CDK14: variants seen among roughly 807,000 people sequenced by gnomAD.
CDK14 encodes cyclin dependent kinase 14.
A neutral mutation model predicts 60.7 loss-of-function variants in CDK14; 34 were observed. That is an observed-to-expected ratio of 0.56 (90% CI 0.43 to 0.75). The LOEUF (loss-of-function observed/expected upper bound fraction) is 0.75. Among genes scored for constraint, CDK14 ranks in the 30% least tolerant of loss-of-function variants. CDK14 has a pLI of 0.00. For missense variants in CDK14, 482 were observed against 564.1 expected (o/e 0.85, Z 1.47); for synonymous variants, 197 against 203.7 (o/e 0.97, Z 0.28).
At chr7:91,116,863 A>G (rs997127846) in intron 13 of CDK14, among the ~76,000 whole-genome samples, 28 of 151,308 alleles carry the variant, frequency 1.9e-4, no homozygotes, top group Non-Finnish European at 4.1e-4. Flanking sequence ...TCCTTTGCTG[A>G]TTTCTCCTCA....
chr7:90,797,455 A>T (rs946488229), intron 5 of CDK14, among the ~76,000 whole-genome samples: 1 of 151,970 alleles, frequency 6.6e-6, no homozygotes, highest in Admixed American at 6.6e-5. Flanking sequence ...ATACAGTCCT[A>T]TTCTAAGGTA....
At chr7:91,006,107 G>T (rs563150565) in intron 10 of CDK14, among the ~76,000 whole-genome samples, 3 of 152,248 alleles carry the variant, frequency 2.0e-5, no homozygotes, top group South Asian at 4.1e-4. Context: ...GCAGCGCCTG[G>T]ACTGCAGGGC....
chr7:90,758,386 C>T (rs1336213386), intron 4 of CDK14, among the ~76,000 whole-genome samples: 4 of 152,076 alleles, frequency 2.6e-5, no homozygotes, highest in African/African-American at 7.2e-5. Flanking sequence ...TATGTTCTCT[C>T]TTCTAAATTC....
chr7:91,134,674 G>A (rs1800216587), intron 14 of CDK14, among the ~76,000 whole-genome samples: 1 of 152,088 alleles, frequency 6.6e-6, no homozygotes, highest in Non-Finnish European at 1.5e-5. Context: ...AGGAGTTTGA[G>A]ACCAGAGTAG....
intron 5 of CDK14, among the ~76,000 whole-genome samples, chr7:90,804,924 A>G (rs1788765379): frequency 1.3e-5 from 2 of 152,082 alleles, no homozygotes; most frequent in South Asian, 4.1e-4. Flanking sequence ...CTACTTTGCC[A>G]ATCTTTAAAA....
chr7:91,117,724 G>A (rs948825128), intron 13 of CDK14, among the ~76,000 whole-genome samples: 4 of 152,142 alleles, frequency 2.6e-5, no homozygotes, highest in African/African-American at 7.2e-5. Context: ...GAAATTCCCA[G>A]AACAGTGTGA....
chr7:91,093,932 C>G (rs901210837), intron 12 of CDK14, among the ~76,000 whole-genome samples: 1 of 152,050 alleles, frequency 6.6e-6, no homozygotes, highest in East Asian at 1.9e-4. Context: ...GAACAGAAAA[C>G]CAAATATTGA....
intron 8 of CDK14, among the ~76,000 whole-genome samples, chr7:90,944,120 C>A (rs116550071): frequency 6.6e-6 from 1 of 152,150 alleles, no homozygotes; most frequent in African/African-American, 2.4e-5. Context: ...CATGATGACA[C>A]AATACCAAAG....
chr7:90,844,780 C>T (rs188884424), intron 5 of CDK14, among the ~76,000 whole-genome samples: 47 of 152,258 alleles, frequency 3.1e-4, no homozygotes, highest in African/African-American at 8.9e-4. Flanking sequence ...CTGCAAATCA[C>T]AGATAGCCTT....
chr7:90,955,419 T>C (rs187205696), intron 8 of CDK14, among the ~76,000 whole-genome samples: 91 of 152,318 alleles, frequency 6.0e-4, no homozygotes, highest in Non-Finnish European at 1.0e-3. Context: ...TCCTGTGTTA[T>C]GATAGTTTGT....
intron 2 of CDK14, among the ~76,000 whole-genome samples, chr7:90,667,959 T>A (rs1179333839): frequency 1.3e-5 from 2 of 152,346 alleles, no homozygotes; most frequent in East Asian, 3.9e-4. Flanking sequence ...TTGGGTTGTT[T>A]CCACTTTTTG....
intron 11 of CDK14, among the ~76,000 whole-genome samples, chr7:91,061,771 A>G (rs1797799943): frequency 6.6e-6 from 1 of 152,332 alleles, no homozygotes; most frequent in South Asian, 2.1e-4. Context: ...GTTTTGTCTC[A>G]GAGGAGTACC....
intron 3 of CDK14, among the ~76,000 whole-genome samples, chr7:90,735,879 T>C (rs1803078512): frequency 6.6e-6 from 1 of 152,104 alleles, no homozygotes; most frequent in Non-Finnish European, 1.5e-5. Context: ...GTATGAAAAA[T>C]AAACTGCTGC....
chr7:91,149,336 C>CTTTCCTT (rs1800761156), intron 14 of CDK14, among the ~76,000 whole-genome samples: 1 of 151,750 alleles, frequency 6.6e-6, no homozygotes, highest in African/African-American at 2.4e-5. Flanking sequence ...TCTTCATGCT[C>CTTTCCTT]TTTCCTTTTT....
At chr7:91,189,874 G>A (rs978647971) in intron 14 of CDK14, among the ~76,000 whole-genome samples, 2 of 152,186 alleles carry the variant, frequency 1.3e-5, no homozygotes, top group Non-Finnish European at 2.9e-5. Context: ...GGGTTTTGGA[G>A]TAATAAAACC....
chr7:91,145,314 A>T (rs951971715), intron 14 of CDK14, among the ~76,000 whole-genome samples: 2 of 152,200 alleles, frequency 1.3e-5, no homozygotes, highest in African/African-American at 4.8e-5. Context: ...TTAAATTAAT[A>T]AATCAGCCAG....
In CDK14 at chr7:90,705,867, C is replaced by T. The variant is rs192038240; in HGVS notation, c.124-20700C>T. ...GCCCTGTATACCTACTGTTAAACCCCGAGGGCTGCTGCTGATGTTTATAAT... is the reference window on the plus strand; with the variant it reads ...GCCCTGTATACCTACTGTTAAACCCTGAGGGCTGCTGCTGATGTTTATAAT... On this transcript the variant is annotated intron_variant, in intron 2 of 14. Transcript: ENST00000380050. 1.5e-3 allele frequency among the ~76,000 whole-genome samples: 225 copies of T among 151,938 alleles called. 1 individual carries two copies. The highest frequency in any genetic ancestry group is 0.01 in the South Asian group (48 of 4,790).
chr7:91,031,369 C>T (rs1358101), intron 10 of CDK14, among the ~76,000 whole-genome samples: 6 of 151,514 alleles, frequency 4.0e-5, no homozygotes, highest in Non-Finnish European at 8.8e-5. Context: ...TTTCGATAAT[C>T]GTCATACAGG....
chr7:91,101,893 G>T (rs1007515148), intron 12 of CDK14, among the ~76,000 whole-genome samples: 1 of 152,208 alleles, frequency 6.6e-6, no homozygotes, highest in Non-Finnish European at 1.5e-5. Context: ...GCAGTGTTAT[G>T]ACCATAGTAC....
Sources: gnomAD v4.1 joint callset for allele counts (sites outside exome capture counted in the v4.1 genomes callset) on GRCh38, gnomAD v4.1.1 for gene constraint, MANE v1.5 for transcripts, NCBI Gene and HGNC (gene_info 2026-07-23, HGNC 2026-07-21) for gene names.